Variants in CSMD2 observed in about 807,000 individuals in gnomAD.
CSMD2 encodes the protein CUB and Sushi multiple domains 2, also known as CUB and sushi domain-containing protein 2.
Under a neutral mutation model 398.5 loss-of-function variants are expected in CSMD2, and 130 were observed. The ratio of observed to expected loss-of-function variants is 0.33; its 90% CI spans 0.28 to 0.38. CSMD2 has a LOEUF of 0.38. CSMD2 is among the 10% of genes least tolerant of loss of function. CSMD2 has a pLI of 1.00. For synonymous variants in CSMD2, 1,828 were observed against 1,908.5 expected (o/e 0.96, Z 1.10); for missense variants, 3,829 against 4,764.9 (o/e 0.80, Z 5.78).
At chr1:33,588,693 G>A (rs905588236) in intron 44 of CSMD2, among the ~76,000 whole-genome samples, 1 of 152,122 alleles carries the variant, frequency 6.6e-6, no homozygotes, top group African/African-American at 2.4e-5. Flanking sequence ...ACAAAACAGC[G>A]CCTCTGTGCA....
intron 2 of CSMD2, among the ~76,000 whole-genome samples, chr1:34,053,686 G>A (rs1166032239): frequency 1.3e-5 from 2 of 152,148 alleles, no homozygotes; most frequent in East Asian, 3.8e-4. Context: ...CAAATCTTTT[G>A]ATCAAGTTGA....
At chr1:33,679,356 C>T (rs1403636336) in intron 25 of CSMD2, among the ~76,000 whole-genome samples, 1 of 152,048 alleles carries the variant, frequency 6.6e-6, no homozygotes, top group Admixed American at 6.6e-5. Flanking sequence ...CTCATGCCAC[C>T]ACATCCAGCT....
chr1:33,803,352 A>G (rs1182475632), intron 10 of CSMD2, among the ~76,000 whole-genome samples: 1 of 152,144 alleles, frequency 6.6e-6, no homozygotes, highest in Non-Finnish European at 1.5e-5. Flanking sequence ...TTAAACTCAG[A>G]TTTACCCAGA....
chr1:33,811,671 T>C (rs952006944), intron 9 of CSMD2, among the ~76,000 whole-genome samples: 21 of 152,362 alleles, frequency 1.4e-4, no homozygotes, highest in African/African-American at 5.1e-4. Context: ...CTAATTAAGC[T>C]CTTTAAAATA....
chr1:33,567,849 C>T lies in CSMD2; in HGVS notation c.8132-8G>A. 6.4e-7 allele frequency: 1 copy of T among 1,564,144 alleles called. No homozygotes were observed. Among genetic ancestry groups the T allele is most frequent in the Non-Finnish European group, 8.7e-7 (1 of 1,154,078 alleles). ...GGAGCTTGGTCTGAGTGGCTAGAGA[C>T]AGGGATGGTGGGGAAAAGGACCAAC... On this transcript the variant is annotated splice_region_variant and splice_polypyrimidine_tract_variant and intron_variant, in intron 52 of 70. Coordinates refer to ENST00000373381, the MANE Select transcript of CSMD2 (RefSeq NM_001281956.2).
At chr1:33,568,200 T>TTC (rs1020954380) in intron 52 of CSMD2, among the ~76,000 whole-genome samples, 1 of 151,416 alleles carries the variant, frequency 6.6e-6, no homozygotes, top group South Asian at 2.1e-4. Flanking sequence ...TTTTTTTTTT[T>TTC]TTTTTGAGAC....
intron 1 of CSMD2, among the ~76,000 whole-genome samples, chr1:34,132,966 C>CT (rs59095706): frequency 0.58 from 83,319 of 144,320 alleles, 24,711 homozygotes; most frequent in Non-Finnish European, 0.66. Context: ...ACACACACAC[C>CT]TTTTTTTTTT....
intron 25 of CSMD2, among the ~76,000 whole-genome samples, chr1:33,678,898 G>T (rs1644809786): frequency 6.6e-6 from 1 of 152,150 alleles, no homozygotes. Context: ...ATAAAACTGG[G>T]CTTCAGGTCA....
At position 33,693,056 on chromosome 1, in the gene CSMD2, G is replaced by T; in HGVS notation, c.3926C>A (p.Ala1309Asp). 6.3e-7 allele frequency: 1 copy of T among 1,590,962 alleles called. No individual in the cohort carries two copies. The highest frequency in any genetic ancestry group is 8.5e-7 in the Non-Finnish European group (1 of 1,171,040). ...TWDRPLPTCV[A>D]ECGGTVRGEV... ...TCCTCTCACTGTCCCTCCACACTCG[G>T]CTGAAAGAAATCCCAAAAGAGTGAG... Residue 1309 changes from alanine to aspartate, a missense_variant and splice_region_variant, in exon 25 of 71, where the codon GCC (alanine) becomes GAC (aspartate). Physicochemically the swap from Ala to Asp is moderately radical, Grantham distance 126. Coordinates refer to ENST00000373381, the MANE Select transcript of CSMD2 (RefSeq NM_001281956.2).
At chr1:33,808,846 T>TA (rs1289793406) in intron 10 of CSMD2, among the ~76,000 whole-genome samples, 1 of 151,364 alleles carries the variant, frequency 6.6e-6, no homozygotes, top group African/African-American at 2.4e-5. Flanking sequence ...CAATACCAAT[T>TA]AAAAAATGAT....
chr1:33,874,842 T>C (rs1640726152), intron 5 of CSMD2, among the ~76,000 whole-genome samples: 1 of 152,218 alleles, frequency 6.6e-6, no homozygotes, highest in African/African-American at 2.4e-5. Context: ...GCTCTGTATT[T>C]TTAATGTATT....
chr1:33,788,691 C>T lies in CSMD2; in HGVS notation c.1572G>A (p.Pro524=), dbSNP rs201089989. 3.0e-5 allele frequency: 48 copies of T among 1,612,922 alleles called. No homozygotes were observed. Among genetic ancestry groups the T allele is most frequent in the East Asian group, 4.5e-5 (2 of 44,872 alleles). ...VLYILTGTSV[P]DLIVSTNHQM... is the part of the protein sequence containing the mutation. ...GATGATTGGTGCTGACAATGAGATC[C>T]GGGACCGATGTACCTGTCAGGCTGG... is the stretch of plus-strand genomic sequence containing the variant. Residue 524 remains proline (P), a synonymous_variant, in exon 12 of 71, where the codon CCG becomes CCA. Transcript: ENST00000373381.
At chr1:34,109,374 T>G (rs954033790) in intron 1 of CSMD2, among the ~76,000 whole-genome samples, 3 of 152,184 alleles carry the variant, frequency 2.0e-5, no homozygotes, top group Admixed American at 2.0e-4. Context: ...AGCAAATTAG[T>G]GATGGGGTCA....
Position 33,559,590 on chromosome 1 carries a change from T to C in CSMD2, c.8381-117A>G. On this transcript the variant is annotated intron_variant, in intron 53 of 70. Coordinates refer to ENST00000373381, the MANE Select transcript of CSMD2 (RefSeq NM_001281956.2). This position sits in a 1 kb window ranked among gnomAD's most constrained non-coding sequence, Gnocchi z 4.0. ...AGTGAAGTTCAGCCCTAAGTCTAAC[T>C]TCAATCTCTTTTGCTGTAAAACCTT... is the stretch of plus-strand genomic sequence containing the variant. 2 of 861,522 alleles carry C rather than the reference T, an allele frequency of 2.3e-6. No individual in the cohort carries two copies. 53.4% of individuals were successfully genotyped at this position (861,522 alleles called of 1,614,324 possible). A position where few individuals can be genotyped will look rare whatever the true frequency, so the allele number is the denominator to read the frequency against.
intron 2 of CSMD2, among the ~76,000 whole-genome samples, chr1:34,066,394 C>T: frequency 6.6e-6 from 1 of 152,186 alleles, no homozygotes; most frequent in East Asian, 1.9e-4. Context: ...CTCGGAATTT[C>T]CTCTCCCTCA....
At chr1:33,585,159 T>C (rs1014632127) in intron 46 of CSMD2, among the ~76,000 whole-genome samples, 2 of 152,236 alleles carry the variant, frequency 1.3e-5, no homozygotes, top group African/African-American at 2.4e-5. Context: ...TAAGTATTCT[T>C]ATCACTGCAC....
intron 1 of CSMD2, among the ~76,000 whole-genome samples, chr1:34,092,321 G>C (rs552714907): frequency 2.0e-5 from 3 of 152,108 alleles, no homozygotes; most frequent in African/African-American, 7.2e-5. Context: ...AATGCAATTC[G>C]GATGAAAAGC....
At chr1:33,766,632 C>T (rs1441365871) in intron 13 of CSMD2, among the ~76,000 whole-genome samples, 3 of 152,220 alleles carry the variant, frequency 2.0e-5, no homozygotes, top group African/African-American at 7.2e-5. Flanking sequence ...ACCTTGGGCA[C>T]TTCACAGTAG....
In CSMD2 at chr1:33,551,411, G is replaced by A. The variant is rs112448329; in HGVS notation, c.8744-1061C>T. ...AAAGGACCAGGTGGTACAAGAAAGA[G>A]GGAGCTGTTGCAGTAGTTCAAGGAG... On this transcript the variant is annotated intron_variant, in intron 55 of 70. Coordinates refer to ENST00000373381, the MANE Select transcript of CSMD2 (RefSeq NM_001281956.2). Among the ~76,000 whole-genome samples the A allele has an allele frequency of 6.6e-5, 10 of 152,292 alleles. 2 individuals carry two copies. The highest frequency in any genetic ancestry group is 2.4e-4 in the African/African-American group (10 of 41,546).
Sources: gnomAD v4.1 joint callset for allele counts (sites outside exome capture counted in the v4.1 genomes callset) on GRCh38, gnomAD v4.1.1 for gene constraint, Gnocchi (gnomAD v3.1) non-coding constraint, MANE v1.5 for transcripts, NCBI Gene and HGNC (gene_info 2026-07-23, HGNC 2026-07-21) for gene names.